LRP1B: variants seen among roughly 807,000 people sequenced by gnomAD.
LRP1B encodes the protein LDL receptor related protein 1B.
LRP1B carries 217 observed loss-of-function variants against 556.6 expected under a neutral mutation model. That is an observed-to-expected ratio of 0.39 (90% CI 0.35 to 0.44). The LOEUF is 0.44. LRP1B is among the 20% of genes least tolerant of loss of function. The probability of loss-of-function intolerance (pLI) is 1.00; values close to 1 mark genes in which losing one functional copy is unlikely to be tolerated. For synonymous variants in LRP1B, 2,047 were observed against 1,865.8 expected, an observed-to-expected ratio of 1.10 and a Z score of -2.50; for missense variants, 5,053 against 5,620.8, an observed-to-expected ratio of 0.90 and a Z score of 3.23.
chr2:141,583,628 T>C (rs1687027737), intron 2 of LRP1B, among the ~76,000 whole-genome samples: 1 of 151,520 alleles, frequency 6.6e-6, no homozygotes, highest in Non-Finnish European at 1.5e-5. Flanking sequence ...GTATGTATAA[T>C]TATATACAAT....
At chr2:141,139,242 T>C (rs1272903428) in intron 7 of LRP1B, among the ~76,000 whole-genome samples, 5 of 151,922 alleles carry the variant, frequency 3.3e-5, no homozygotes, top group Non-Finnish European at 1.5e-5. Context: ...AAATGTAAAG[T>C]CCTGAACTAT....
chr2:141,176,599 T>C (rs557450222), intron 7 of LRP1B, among the ~76,000 whole-genome samples: 32 of 152,154 alleles, frequency 2.1e-4, no homozygotes, highest in African/African-American at 6.3e-4. Flanking sequence ...TCTTCATAAA[T>C]TACCCAGACT....
intron 1 of LRP1B, among the ~76,000 whole-genome samples, chr2:141,887,896 GAATAAT>G (rs1699174370): frequency 1.3e-5 from 2 of 152,086 alleles, no homozygotes; most frequent in African/African-American, 4.8e-5. Flanking sequence ...AACTATGAAA[GAATAAT>G]AATGTAAGCT....
intron 5 of LRP1B, among the ~76,000 whole-genome samples, chr2:141,232,626 G>T (rs1389139678): frequency 6.6e-6 from 1 of 152,142 alleles, no homozygotes; most frequent in African/African-American, 2.4e-5. Flanking sequence ...GTAGCTGCTT[G>T]ATGAGTGAAT....
intron 3 of LRP1B, among the ~76,000 whole-genome samples, chr2:141,379,787 C>G (rs1414055538): frequency 6.6e-6 from 1 of 152,082 alleles, no homozygotes; most frequent in Non-Finnish European, 1.5e-5. Context: ...TAAACAGGCA[C>G]ATGAGTACCT....
rs542029385 is a variant in LRP1B, at chr2:141,095,491, A to T, written c.1014-33218T>A. Among the ~76,000 whole-genome samples, 2 of 148,376 alleles carry T rather than the reference A, an allele frequency of 1.3e-5. 1 individual carries two copies. Among genetic ancestry groups the T allele is most frequent in the African/African-American group, 4.9e-5 (2 of 40,462 alleles). On this transcript the variant is annotated intron_variant, in intron 7 of 90. Coordinates refer to ENST00000389484, the MANE Select transcript of LRP1B (RefSeq NM_018557.3). The stretch of plus-strand genomic sequence containing the variant: ...ATACATTAAGTTCCCCTAGAATTTA[A>T]TTTTTTTTTTTCTAGAGGAAACTCA...
chr2:140,536,342 A>AT (rs1428329631), intron 46 of LRP1B, among the ~76,000 whole-genome samples: 1 of 104,774 alleles, frequency 9.5e-6, no homozygotes, highest in African/African-American at 3.1e-5. Context: ...AAAAAAAAAA[A>AT]GGCTATTTTG....
chr2:140,847,837 C>T (rs184244494), intron 29 of LRP1B, among the ~76,000 whole-genome samples: 1 of 151,334 alleles, frequency 6.6e-6, no homozygotes, highest in Admixed American at 6.6e-5. Context: ...AATTATTGCT[C>T]CTAATGAGTA....
chr2:141,132,027 A>G (rs1017118877), intron 7 of LRP1B, among the ~76,000 whole-genome samples: 2 of 152,022 alleles, frequency 1.3e-5, no homozygotes, highest in African/African-American at 4.8e-5. Flanking sequence ...TCATTGGATC[A>G]TTCTCATGCC....
chr2:141,057,362 G>A (rs1181049969), intron 9 of LRP1B, among the ~76,000 whole-genome samples: 1 of 151,672 alleles, frequency 6.6e-6, no homozygotes, highest in Non-Finnish European at 1.5e-5. Context: ...AGGTATTCTT[G>A]CCACTCCTTG....
chr2:141,810,156 AG>A, intron 2 of LRP1B, 122 bp downstream of exon 2: 1 of 471,342 alleles, frequency 2.1e-6, no homozygotes, highest in Non-Finnish European at 2.9e-6. Flanking sequence ...AAAGAAAGAA[AG>A]AAAGAAAGAA....
At chr2:141,586,902 A>C (rs1687157688) in intron 2 of LRP1B, among the ~76,000 whole-genome samples, 1 of 150,070 alleles carries the variant, frequency 6.7e-6, no homozygotes, top group African/African-American at 2.4e-5. Context: ...AGATCGTGCC[A>C]CTGCACTCCA....
chr2:141,893,266 T>C (rs1699345149), intron 1 of LRP1B, among the ~76,000 whole-genome samples: 1 of 152,192 alleles, frequency 6.6e-6, no homozygotes, highest in Non-Finnish European at 1.5e-5. Flanking sequence ...AAGGGCACGA[T>C]CTCGGCTCAC....
At chr2:140,345,709 CAT>C (rs1245441552) in intron 77 of LRP1B, among the ~76,000 whole-genome samples, 4 of 144,256 alleles carry the variant, frequency 2.8e-5, no homozygotes, top group South Asian at 2.1e-4. Flanking sequence ...TCTCATAACT[CAT>C]ATATGTATAT....
chr2:141,849,244 G>C (rs903689778), intron 1 of LRP1B, among the ~76,000 whole-genome samples: 2 of 151,164 alleles, frequency 1.3e-5, no homozygotes, highest in African/African-American at 4.9e-5. Flanking sequence ...GGGTTTTCTT[G>C]GTGTATAATC....
At position 140,464,596 on chromosome 2, in the gene LRP1B, A is replaced by T. The variant is rs1687465224; in HGVS notation, c.9626-6945T>A. ...AGTAGGATGATGACAATTCTCTCTAACCTGTGAAGTAAACAAAGCAACATT... is the reference window on the plus strand; with the variant it reads ...AGTAGGATGATGACAATTCTCTCTATCCTGTGAAGTAAACAAAGCAACATT... On this transcript the variant is annotated intron_variant, in intron 60 of 90. Transcript: ENST00000389484. 4.6e-5 allele frequency among the ~76,000 whole-genome samples: 7 copies of T among 152,182 alleles called. No individual in the cohort carries two copies. The South Asian group carries it at 8.3e-4, about 18-fold the overall frequency.
intron 33 of LRP1B, among the ~76,000 whole-genome samples, chr2:140,774,419 T>A (rs1005260051): frequency 1.3e-5 from 2 of 152,126 alleles, no homozygotes; most frequent in African/African-American, 4.8e-5. Flanking sequence ...TAGTAAATGT[T>A]TCCCCCTAAA....
chr2:141,429,649 G>A (rs889701565), intron 3 of LRP1B, among the ~76,000 whole-genome samples: 27 of 151,842 alleles, frequency 1.8e-4, no homozygotes, highest in African/African-American at 5.8e-4. Flanking sequence ...CCCACCTCCC[G>A]CCCTCCAACA....
rs542522001 is a variant in LRP1B at position 141,429,553 on chromosome 2, C to T, written c.343+50843G>A. 3.9e-4 allele frequency among the ~76,000 whole-genome samples: 60 copies of T among 152,160 alleles called. 1 individual carries two copies. Among genetic ancestry groups the T allele is most frequent in the African/African-American group, 1.2e-3 (48 of 41,524 alleles). On this transcript the variant is annotated intron_variant, in intron 3 of 90. Transcript: ENST00000389484. ...GGTTTGTTACATAGGAAATGTATGC[C>T]ATGGTGGTTTGCTGTAAAGATCATC...
Sources: allele counts gnomAD v4.1 joint callset (sites outside exome capture counted in the v4.1 genomes callset), GRCh38; gene constraint gnomAD v4.1.1; transcripts MANE v1.5; gene names NCBI Gene and HGNC (gene_info 2026-07-23, HGNC 2026-07-21).